FCHO1: variants seen among roughly 807,000 people sequenced by gnomAD.
FCHO1 encodes the protein FCH and mu domain containing endocytic adaptor 1.
A neutral mutation model predicts 114.4 loss-of-function variants in FCHO1; 45 were observed. The ratio of observed to expected loss-of-function variants is 0.39; its 90% CI spans 0.31 to 0.50. FCHO1 has a LOEUF of 0.50. Ranked by LOEUF, FCHO1 falls within the 20% of genes least tolerant of loss-of-function variation. The pLI is 0.77. For synonymous variants in FCHO1, 480 were observed against 488.9 expected (o/e 0.98, Z 0.24); for missense variants, 1,042 against 1,209.6 (o/e 0.86, Z 2.06).
Position 17,787,664 on chromosome 19 carries a change from G to T in FCHO1, c.2483-18G>T. Reference sequence around the variant, plus strand: ...CGGGGGCTGGTGCCAGGGCGCAGCTGACTGCAGGTCTCCCCAGGTTCTGGC... The same window carrying T: ...CGGGGGCTGGTGCCAGGGCGCAGCTTACTGCAGGTCTCCCCAGGTTCTGGC... On this transcript the variant is annotated intron_variant, in intron 27 of 28. Coordinates refer to ENST00000596536, the MANE Select transcript of FCHO1 (RefSeq NM_015122.3). 6.5e-7 allele frequency: 1 copy of T among 1,544,292 alleles called. No homozygotes were observed. The highest frequency in any genetic ancestry group is 1.2e-5 in the South Asian group (1 of 83,760).
In FCHO1 at chr19:17,760,295, C is replaced by A. The variant is rs144162959; in HGVS notation, c.28-2467C>A. ...CGAACTCCTGACCTCAGATAATCTG[C>A]CTGCCTCGGCTTCCCAAAGTGCTGG... On this transcript the variant is annotated intron_variant, in intron 4 of 28. Coordinates refer to ENST00000596536, the MANE Select transcript of FCHO1 (RefSeq NM_015122.3). Among the ~76,000 whole-genome samples, 29 of 152,282 alleles carry A rather than the reference C, an allele frequency of 1.9e-4. No individual in the cohort carries two copies. The East Asian group carries it at 5.0e-3, about 26-fold the overall frequency.
Position 17,788,477 on chromosome 19 carries a change from T to C in FCHO1, c.*171T>C. On this transcript the variant is annotated 3_prime_UTR_variant, in exon 29 of 29. Coordinates refer to ENST00000596536, the MANE Select transcript of FCHO1 (RefSeq NM_015122.3). ...TGAGCCCGAGATTCGCTCCTCCCCC[T>C]CATGCCAACCCCACACAGGTCCCGG... 1.7e-6 allele frequency: 1 copy of C among 590,104 alleles called. No homozygotes were observed. The highest frequency in any genetic ancestry group is 2.1e-5 in the South Asian group (1 of 47,280). 36.6% of individuals were successfully genotyped at this position (590,104 alleles called of 1,614,324 possible).
intron 13 of FCHO1, 175 bp downstream of exon 13, chr19:17,774,653 A>G (rs1486987303): frequency 3.3e-6 from 2 of 607,956 alleles, no homozygotes; most frequent in African/African-American, 1.9e-5. Context: ...GGCTAGCTCA[A>G]TATTACCGCT....
At chr19:17,772,810 C>A in intron 11 of FCHO1, 69 bp downstream of exon 11, 1 of 1,130,434 alleles carries the variant, frequency 8.8e-7, no homozygotes, top group Non-Finnish European at 1.3e-6. Flanking sequence ...TGCCACCATG[C>A]CCAGCTAATT....
At chr19:17,788,156 A>C in intron 28 of FCHO1, 128 bp from the exon 29 acceptor site, 1 of 773,120 alleles carries the variant, frequency 1.3e-6, no homozygotes, top group South Asian at 1.5e-5. Flanking sequence ...CAGTGGCAAC[A>C]GGGACTATGA....
At position 17,770,615 on chromosome 19, in the gene FCHO1, C is replaced by T. The variant is rs757215111; in HGVS notation, c.489+38C>T. 9 of 1,595,990 alleles carry T rather than the reference C, an allele frequency of 5.6e-6. 1 individual carries two copies. The East Asian group carries it at 6.7e-5, about 12-fold the overall frequency. On this transcript the variant is annotated intron_variant, in intron 8 of 28. Transcript: ENST00000596536. ...TGGGGGGGTTCTGAGGAATTTGCCG[C>T]GGGGCGGAGGGGCTGCCTGATCAGA...
intron 24 of FCHO1, among the ~76,000 whole-genome samples, chr19:17,783,480 C>T (rs1478010224): frequency 6.6e-6 from 1 of 151,920 alleles, no homozygotes; most frequent in Non-Finnish European, 1.5e-5. Flanking sequence ...GTTGCCCAGG[C>T]TGGTCTCAAA....
At chr19:17,768,615 G>C (rs1046724533) in intron 7 of FCHO1, among the ~76,000 whole-genome samples, 3 of 151,428 alleles carry the variant, frequency 2.0e-5, no homozygotes, top group African/African-American at 7.3e-5. Context: ...AATGACTTGA[G>C]CCTGGGAGGT....
rs1568354681 is a variant in FCHO1 at position 17,775,393 on chromosome 19, A to C, written c.946-63A>C. ...GGGGGCAGGGCGGGGGGCGGTTGGC[A>C]GGGTGAGATGGAAGGTTCGATAGTG... is the stretch of plus-strand genomic sequence containing the variant. On this transcript the variant is annotated intron_variant, in intron 14 of 28. Transcript: ENST00000596536. The surrounding 1 kb of genome is among the most constrained non-coding windows in gnomAD (Gnocchi z 5.1). 1 of 1,524,824 alleles carries C rather than the reference A, an allele frequency of 6.6e-7. No individual in the cohort carries two copies. The highest frequency in any genetic ancestry group is 9.1e-7 in the Non-Finnish European group (1 of 1,099,674). The allele number at this position is 1,524,824 out of a possible 1,614,324, so 94.5% of individuals were successfully genotyped here. A position where few individuals can be genotyped will look rare whatever the true frequency, so the allele number is the denominator to read the frequency against.
chr19:17,788,122 C>A (rs905972627), intron 28 of FCHO1, 162 bp from the exon 29 acceptor site: 1 of 719,582 alleles, frequency 1.4e-6, no homozygotes, highest in Non-Finnish European at 2.5e-6. Flanking sequence ...GTTCTCCTGC[C>A]CCCAACAAGG....
intron 19 of FCHO1, 136 bp from the exon 20 acceptor site, chr19:17,778,473 G>T: frequency 9.8e-7 from 1 of 1,015,704 alleles, no homozygotes; most frequent in South Asian, 1.6e-5. Context: ...AGAAGGTGTA[G>T]CCTTGGGGGC....
chr19:17,751,736 G>GC lies in FCHO1; in HGVS notation c.-183+165dup, dbSNP rs1568308736. On this transcript the variant is annotated intron_variant, in intron 1 of 28. Transcript: ENST00000596536. This position sits in a 1 kb window ranked among gnomAD's most constrained non-coding sequence, Gnocchi z 4.4. ...CCTGCATGGGGCCACCCGTTGCCCT[G>GC]CCCCCCGTCCCCCATTCCAGCTGTG... Among the ~76,000 whole-genome samples, 1 of 152,188 alleles carries GC rather than the reference G, an allele frequency of 6.6e-6. No individual in the cohort carries two copies. The highest frequency in any genetic ancestry group is 2.4e-5 in the African/African-American group (1 of 41,446).
Position 17,774,452 on chromosome 19 carries a change from G to C in FCHO1, c.894G>C (p.Glu298Asp). Residue 298 changes from glutamate to aspartate, a missense_variant, in exon 13 of 29, where the codon GAG becomes GAC. Physicochemically the swap from Glu to Asp is conservative, Grantham distance 45. Transcript: ENST00000596536. ...GCCTTCCAGGACTAAGCCGGCGGGA[G>C]CGGGAGCCAGAGCCACCTGCAGCTG... Reference protein sequence around the residue: ...AFRLPGLSRREREPEPPAAVD... With the variant: ...AFRLPGLSRRDREPEPPAAVD... 6.2e-7 allele frequency: 1 copy of C among 1,613,436 alleles called. No homozygotes were observed. Among genetic ancestry groups the C allele is most frequent in the Non-Finnish European group, 8.5e-7 (1 of 1,179,994 alleles).
At chr19:17,769,607 A>T (rs1235620847) in intron 7 of FCHO1, among the ~76,000 whole-genome samples, 1 of 151,484 alleles carries the variant, frequency 6.6e-6, no homozygotes, top group East Asian at 1.9e-4. Context: ...ACACACACAC[A>T]CACACACACA....
In FCHO1 at chr19:17,776,786, A is replaced by C; in HGVS notation, c.1259+100A>C. The C allele has an allele frequency of 8.7e-7, 1 of 1,153,312 alleles. No individual in the cohort carries two copies. Among genetic ancestry groups the C allele is most frequent in the Non-Finnish European group, 1.3e-6 (1 of 791,536 alleles). The allele number at this position is 1,153,312 out of a possible 1,614,324, so 71.4% of individuals were successfully genotyped here. On this transcript the variant is annotated intron_variant, in intron 18 of 28. Coordinates refer to ENST00000596536, the MANE Select transcript of FCHO1 (RefSeq NM_015122.3). The surrounding 1 kb of genome is among the most constrained non-coding windows in gnomAD (Gnocchi z 4.4). ...GTTCTCTTGTCCCGGCTGGGAGTTG[A>C]CGTCATGCTGGGGTTTTTTTGTTTT...
intron 7 of FCHO1, among the ~76,000 whole-genome samples, chr19:17,769,236 C>T (rs1304461749): frequency 4.7e-5 from 6 of 128,272 alleles, no homozygotes; most frequent in African/African-American, 1.5e-4. Context: ...GATTGTGCCA[C>T]TGCACTCCAG....
chr19:17,763,427 C>T (rs902032295), intron 5 of FCHO1, among the ~76,000 whole-genome samples: 1 of 151,848 alleles, frequency 6.6e-6, no homozygotes, highest in African/African-American at 2.4e-5. Context: ...CCACGTCTGG[C>T]TAATTTTTTT....
chr19:17,769,877 G>A (rs765559770), intron 7 of FCHO1, among the ~76,000 whole-genome samples: 13 of 151,730 alleles, frequency 8.6e-5, no homozygotes, highest in African/African-American at 1.5e-4. Flanking sequence ...AATGAAAAAC[G>A]TACAGGCCGG....
intron 18 of FCHO1, 26 bp from the exon 19 acceptor site, chr19:17,778,111 A>C (rs776967767): frequency 7.6e-6 from 12 of 1,570,482 alleles, no homozygotes; most frequent in Non-Finnish European, 1.1e-5. Flanking sequence ...AAATAGAAGC[A>C]GCCCTCTTGG....
Sources: allele counts gnomAD v4.1 joint callset (sites outside exome capture counted in the v4.1 genomes callset), GRCh38; gene constraint gnomAD v4.1.1; non-coding constraint Gnocchi (gnomAD v3.1); transcripts MANE v1.5; gene names NCBI Gene and HGNC (gene_info 2026-07-23, HGNC 2026-07-21).